The following ZNF385D variants were observed in gnomAD, a reference collection of about 807,000 sequenced individuals.
ZNF385D encodes zinc finger protein 659.
Under a neutral mutation model 35.8 loss-of-function variants are expected in ZNF385D, and 15 were observed. That is an observed-to-expected ratio of 0.42 (90% CI 0.28 to 0.64). The LOEUF is 0.64. Ranked by LOEUF, ZNF385D falls within the 30% of genes least tolerant of loss-of-function variation. The probability of loss-of-function intolerance (pLI) is 0.23; values close to 1 mark genes in which losing one functional copy is unlikely to be tolerated. For missense variants in ZNF385D, 474 were observed against 494.6 expected (o/e 0.96, Z 0.39); for synonymous variants, 212 against 186.8 (o/e 1.13, Z -1.10).
At chr3:21,816,039 A>G (rs919914878) in intron 3 of ZNF385D, among the ~76,000 whole-genome samples, 3 of 152,210 alleles carry the variant, frequency 2.0e-5, no homozygotes, top group Non-Finnish European at 4.4e-5. Flanking sequence ...ATGAAAATCA[A>G]TAAATGTAAT....
chr3:21,837,467 G>A (rs1279200666), intron 3 of ZNF385D, among the ~76,000 whole-genome samples: 1 of 152,072 alleles, frequency 6.6e-6, no homozygotes, highest in East Asian at 1.9e-4. Flanking sequence ...TTCATGGTAT[G>A]GTGGGTTCAG....
chr3:21,824,819 T>C (rs935337530), intron 3 of ZNF385D, among the ~76,000 whole-genome samples: 1 of 152,146 alleles, frequency 6.6e-6, no homozygotes, highest in Non-Finnish European at 1.5e-5. Context: ...TACAAATTAT[T>C]CTGAAGTTCC....
chr3:22,348,823 A>G (rs1034294187), intron 2 of ZNF385D, among the ~76,000 whole-genome samples: 2 of 152,206 alleles, frequency 1.3e-5, no homozygotes, highest in African/African-American at 2.4e-5. Flanking sequence ...TCTGGCTTCT[A>G]GAACTATGAG....
intron 2 of ZNF385D, among the ~76,000 whole-genome samples, chr3:21,589,645 A>T (rs1238974317): frequency 6.6e-6 from 1 of 152,182 alleles, no homozygotes; most frequent in African/African-American, 2.4e-5. Flanking sequence ...ATATCCTTCA[A>T]ATATAAAGAA....
intron 3 of ZNF385D, among the ~76,000 whole-genome samples, chr3:21,945,796 T>G (rs1328211078): frequency 1.3e-5 from 2 of 152,096 alleles, no homozygotes; most frequent in South Asian, 4.1e-4. Flanking sequence ...ATTGTTTAAA[T>G]GTGTGCCTTG....
At chr3:22,239,272 G>A (rs975903136) in intron 2 of ZNF385D, among the ~76,000 whole-genome samples, 4 of 150,904 alleles carry the variant, frequency 2.7e-5, no homozygotes, top group Non-Finnish European at 5.9e-5. Flanking sequence ...ATTCATTCAG[G>A]TATTGTGCGT....
intron 2 of ZNF385D, among the ~76,000 whole-genome samples, chr3:22,296,984 A>G (rs907418185): frequency 6.6e-6 from 1 of 152,008 alleles, no homozygotes; most frequent in Non-Finnish European, 1.5e-5. Flanking sequence ...TTGCCCTAAC[A>G]TTTTCAGGGC....
chr3:21,858,854 G>A (rs1465131075), intron 3 of ZNF385D, among the ~76,000 whole-genome samples: 1 of 152,000 alleles, frequency 6.6e-6, no homozygotes, highest in Non-Finnish European at 1.5e-5. Context: ...ATCCTGCCAT[G>A]GTGCAGTTCT....
chr3:21,690,167 GAAAT>G (rs1415332568), intron 1 of ZNF385D, among the ~76,000 whole-genome samples: 4 of 151,992 alleles, frequency 2.6e-5, no homozygotes, highest in African/African-American at 9.7e-5. Context: ...ATTTTAATAT[GAAAT>G]AAATCTGTAT....
At chr3:21,914,008 G>A (rs747810551) in intron 3 of ZNF385D, among the ~76,000 whole-genome samples, 3 of 151,976 alleles carry the variant, frequency 2.0e-5, no homozygotes, top group Non-Finnish European at 4.4e-5. Flanking sequence ...GTTTATCTAG[G>A]CTCATGCTTG....
chr3:22,078,624 CATT>C (rs1303959311), intron 3 of ZNF385D, among the ~76,000 whole-genome samples: 6 of 151,992 alleles, frequency 3.9e-5, no homozygotes, highest in Non-Finnish European at 7.4e-5. Context: ...ACCTTGTTGA[CATT>C]ATCTTCAAAA....
At chr3:22,347,021 C>A (rs1007978906) in intron 2 of ZNF385D, among the ~76,000 whole-genome samples, 1 of 152,036 alleles carries the variant, frequency 6.6e-6, no homozygotes, top group Non-Finnish European at 1.5e-5. Flanking sequence ...AACTGCCAAC[C>A]CACATAATGT....
intron 3 of ZNF385D, among the ~76,000 whole-genome samples, chr3:21,894,508 CTTTTA>C (rs140017155): frequency 0.045 from 6,839 of 152,162 alleles, 209 homozygotes; most frequent in Middle Eastern, 0.078. Context: ...TGAAAACACA[CTTTTA>C]TTTATTTTCA....
chr3:21,521,361 A>G (rs1424115672), intron 3 of ZNF385D, among the ~76,000 whole-genome samples: 2 of 152,212 alleles, frequency 1.3e-5, no homozygotes, highest in African/African-American at 4.8e-5. Flanking sequence ...TTCACAAAGA[A>G]CTTATTGAAC....
chr3:22,023,095 A>G (rs148724820), intron 3 of ZNF385D, among the ~76,000 whole-genome samples: 238 of 152,228 alleles, frequency 1.6e-3, no homozygotes, highest in African/African-American at 5.4e-3. Flanking sequence ...GTCTTTTCTT[A>G]TTTTTATCCC....
chr3:22,272,153 C>A (rs1576595026), intron 2 of ZNF385D, among the ~76,000 whole-genome samples: 1 of 151,970 alleles, frequency 6.6e-6, no homozygotes, highest in African/African-American at 2.4e-5. Flanking sequence ...GATAATTTCC[C>A]AAAATGAAGG....
At chr3:21,952,899 G>GA (rs2125301657) in intron 3 of ZNF385D, among the ~76,000 whole-genome samples, 1 of 152,026 alleles carries the variant, frequency 6.6e-6, no homozygotes, top group African/African-American at 2.4e-5. Flanking sequence ...CTAGTTACAC[G>GA]AAAAATGTTC....
intron 1 of ZNF385D, among the ~76,000 whole-genome samples, chr3:21,706,814 T>TGATAGATA (rs67457933): frequency 0.013 from 1,960 of 150,314 alleles, 30 homozygotes; most frequent in African/African-American, 0.037. Context: ...AGATAATAGA[T>TGATAGATA]GATAGATAGA....
At chr3:22,074,441 C>A (rs746172267) in intron 3 of ZNF385D, among the ~76,000 whole-genome samples, 2 of 151,930 alleles carry the variant, frequency 1.3e-5, no homozygotes, top group Admixed American at 1.3e-4. Flanking sequence ...GAGCCCAATG[C>A]CTAATACTAG....
Sources: allele counts gnomAD v4.1 joint callset (sites outside exome capture counted in the v4.1 genomes callset), GRCh38; gene constraint gnomAD v4.1.1; transcripts MANE v1.5; gene names NCBI Gene and HGNC (gene_info 2026-07-23, HGNC 2026-07-21).